AFG2A: variants seen among roughly 807,000 people sequenced by gnomAD.
AFG2A encodes the protein AAA ATPase AFG2A.
chr4:123,241,757 A>G, the AFG2A span, among the ~76,000 whole-genome samples: 1 of 152,308 alleles, frequency 6.6e-6, no homozygotes, highest in East Asian at 1.9e-4. Flanking sequence ...CTCCTACTCA[A>G]CATAGTGTTA....
the AFG2A span, chr4:122,938,335 T>A: frequency 1.5e-6 from 2 of 1,309,614 alleles, no homozygotes; most frequent in Non-Finnish European, 9.9e-7. Context: ...TGTGTCAGAG[T>A]CTTTGGATAT....
chr4:122,963,630 A>G, the AFG2A span, among the ~76,000 whole-genome samples: 1 of 152,168 alleles, frequency 6.6e-6, no homozygotes, highest in Non-Finnish European at 1.5e-5. Context: ...TGATCACAGT[A>G]GAGACCACAG....
the AFG2A span, among the ~76,000 whole-genome samples, chr4:122,966,285 A>G: frequency 2.0e-5 from 3 of 152,346 alleles, no homozygotes; most frequent in East Asian, 3.9e-4. Context: ...TTTGCAAATC[A>G]GTAAACTTAC....
the AFG2A span, among the ~76,000 whole-genome samples, chr4:123,184,532 C>CTTTTT: frequency 0.038 from 3,397 of 89,104 alleles, 314 homozygotes; most frequent in African/African-American, 0.046. Context: ...ATGATCATTT[C>CTTTTT]TTTTTTTTTT....
chr4:123,069,255 C>T, the AFG2A span, among the ~76,000 whole-genome samples: 1 of 152,148 alleles, frequency 6.6e-6, no homozygotes, highest in African/African-American at 2.4e-5. Flanking sequence ...GTAGAAAGGT[C>T]TCCATGTTAC....
the AFG2A span, among the ~76,000 whole-genome samples, chr4:122,931,778 A>T: frequency 6.6e-6 from 1 of 152,156 alleles, no homozygotes; most frequent in Non-Finnish European, 1.5e-5. Flanking sequence ...AACAAGGCAG[A>T]GTGTCACCTC....
At chr4:123,115,065 T>G in the AFG2A span, among the ~76,000 whole-genome samples, 3 of 152,160 alleles carry the variant, frequency 2.0e-5, no homozygotes, top group Admixed American at 2.0e-4. Context: ...CCACTGCTGC[T>G]CTCACAGTTG....
At chr4:123,047,041 A>G in the AFG2A span, among the ~76,000 whole-genome samples, 3 of 152,170 alleles carry the variant, frequency 2.0e-5, no homozygotes, top group Admixed American at 6.5e-5. Context: ...TGTTGTAAAT[A>G]GTGCTACAAT....
chr4:123,310,848 C>G, the AFG2A span, among the ~76,000 whole-genome samples: 2 of 152,158 alleles, frequency 1.3e-5, no homozygotes, highest in Non-Finnish European at 2.9e-5. Flanking sequence ...TTGACTAGTT[C>G]TTCAGAGCAT....
At chr4:123,203,513 G>A in the AFG2A span, among the ~76,000 whole-genome samples, 2 of 152,110 alleles carry the variant, frequency 1.3e-5, no homozygotes, top group African/African-American at 4.8e-5. Flanking sequence ...CCTGACCTCA[G>A]GTGATGCACC....
the AFG2A span, among the ~76,000 whole-genome samples, chr4:123,092,561 A>G: frequency 0.11 from 15,957 of 151,918 alleles, 940 homozygotes; most frequent in Middle Eastern, 0.2. Flanking sequence ...TGTGTAACAA[A>G]TTACCACAAA....
chr4:123,177,163 T>A, the AFG2A span, among the ~76,000 whole-genome samples: 1 of 152,100 alleles, frequency 6.6e-6, no homozygotes, highest in South Asian at 2.1e-4. Flanking sequence ...TGTCATTTAC[T>A]TTTTAACTGT....
the AFG2A span, among the ~76,000 whole-genome samples, chr4:123,224,659 C>T: frequency 2.6e-5 from 4 of 151,972 alleles, no homozygotes; most frequent in African/African-American, 7.3e-5. Flanking sequence ...TGAATAGTGC[C>T]GCAATAAACA....
chr4:123,071,136 T>A, the AFG2A span, among the ~76,000 whole-genome samples: 1 of 152,212 alleles, frequency 6.6e-6, no homozygotes, highest in Non-Finnish European at 1.5e-5. Flanking sequence ...ACAATTCTTT[T>A]CAAAAAATTG....
At chr4:123,079,272 C>T in the AFG2A span, among the ~76,000 whole-genome samples, 15 of 152,304 alleles carry the variant, frequency 9.8e-5, no homozygotes, top group South Asian at 3.1e-3. Flanking sequence ...TGAGATAAAA[C>T]TTACTTAGCT....
the AFG2A span, among the ~76,000 whole-genome samples, chr4:123,161,083 G>T: frequency 2.6e-5 from 4 of 152,208 alleles, no homozygotes; most frequent in South Asian, 6.2e-4. Context: ...TTCTTGCATT[G>T]TATTGTACAC....
chr4:122,929,867 T>G, the AFG2A span, among the ~76,000 whole-genome samples: 2 of 152,202 alleles, frequency 1.3e-5, no homozygotes, highest in Non-Finnish European at 2.9e-5. Flanking sequence ...TGTGTTATAT[T>G]AGACAACCCA....
chr4:123,045,543 T>C, the AFG2A span, among the ~76,000 whole-genome samples: 1 of 152,202 alleles, frequency 6.6e-6, no homozygotes, highest in Non-Finnish European at 1.5e-5. Context: ...TTTTGTAGAT[T>C]ACAGGGTAGT....
chr4:122,979,303 A>G, the AFG2A span: 1 of 1,614,208 alleles, frequency 6.2e-7, no homozygotes, highest in South Asian at 1.1e-5. Flanking sequence ...TGGACTGGTG[A>G]AGATTACTCT....
Sources: gnomAD v4.1 joint callset for allele counts (sites outside exome capture counted in the v4.1 genomes callset) on GRCh38, gnomAD v4.1.1 for gene constraint, MANE v1.5 for transcripts, NCBI Gene and HGNC (gene_info 2026-07-23, HGNC 2026-07-21) for gene names.